ARID1B: variants seen among roughly 807,000 people sequenced by gnomAD.
ARID1B encodes AT-rich interactive domain-containing protein 1B.
ARID1B carries 30 observed loss-of-function variants against 212.3 expected under a neutral mutation model. That is an observed-to-expected ratio of 0.14 (90% confidence interval 0.11 to 0.19). The LOEUF is 0.19. ARID1B is among the 10% of genes least tolerant of loss of function. The pLI is 1.00. For synonymous variants in ARID1B, 1,402 were observed against 1,301.7 expected, an observed-to-expected ratio of 1.08 and a Z score of -1.66; for missense variants, 2,891 against 3,204.0, an observed-to-expected ratio of 0.90 and a Z score of 2.36.
At chr6:157,132,098 G>A (rs1788590558) in intron 6 of ARID1B, among the ~76,000 whole-genome samples, 1 of 152,220 alleles carries the variant, frequency 6.6e-6, no homozygotes, top group Admixed American at 6.5e-5. Flanking sequence ...GCAAGACTGG[G>A]GTTAGCAAGG....
At chr6:156,810,341 C>T (rs752184954) in intron 1 of ARID1B, among the ~76,000 whole-genome samples, 8 of 152,132 alleles carry the variant, frequency 5.3e-5, no homozygotes, top group Non-Finnish European at 1.2e-4. Flanking sequence ...TAACAGCTGC[C>T]ATTTACCAAA....
chr6:157,145,859 T>A (rs78385642), intron 7 of ARID1B, among the ~76,000 whole-genome samples: 213 of 152,292 alleles, frequency 1.4e-3, no homozygotes, highest in Non-Finnish European at 2.7e-3. Flanking sequence ...TATAATAATG[T>A]GTACCTCCTA....
intron 6 of ARID1B, among the ~76,000 whole-genome samples, chr6:157,125,345 G>A (rs989139524): frequency 2.0e-5 from 3 of 152,212 alleles, no homozygotes; most frequent in African/African-American, 4.8e-5. Flanking sequence ...TTCTTGTGGT[G>A]TGGGTGGTCA....
At chr6:157,021,470 C>T (rs1780253951) in intron 4 of ARID1B, among the ~76,000 whole-genome samples, 1 of 152,222 alleles carries the variant, frequency 6.6e-6, no homozygotes, top group African/African-American at 2.4e-5. Context: ...TGCCGGCAGG[C>T]CCCGCTCGCT....
chr6:156,850,828 T>G (rs1211076877), intron 2 of ARID1B, among the ~76,000 whole-genome samples: 1 of 152,210 alleles, frequency 6.6e-6, no homozygotes, highest in Non-Finnish European at 1.5e-5. Flanking sequence ...GGAAAATGGC[T>G]TAAATATTTT....
intron 3 of ARID1B, among the ~76,000 whole-genome samples, chr6:156,916,243 C>A (rs1280175662): frequency 6.6e-6 from 1 of 152,132 alleles, no homozygotes; most frequent in East Asian, 1.9e-4. Flanking sequence ...TCCACAACTT[C>A]TTGTTGTTTA....
rs1387431464 is a variant in ARID1B, at chr6:156,779,008, G to C, written c.1328G>C (p.Gly443Ala). The part of the protein sequence containing the change: ...AGGGGGGGYG[G>A]SSAGYGVLSS... ...GGCGGCGGCGGCGGCGGCTATGGGG[G>C]CTCGTCCGCGGGGTACGGGGTGCTG... The change falls in exon 1 of 20, where the codon GGC becomes GCC. Residue 443 changes from glycine to alanine, a missense_variant. This residue lies in a region of ARID1B where 1,643 missense variants were observed against 1,544.0 expected (regional missense o/e 1.06). Coordinates refer to ENST00000636930, the MANE Select transcript of ARID1B (RefSeq NM_001374828.1). The C allele has an allele frequency of 5.5e-6, 7 of 1,265,360 alleles. No individual in the cohort carries two copies. The highest frequency in any genetic ancestry group is 4.9e-6 in the Non-Finnish European group (5 of 1,016,404). 78.4% of individuals were successfully genotyped at this position (1,265,360 alleles called of 1,614,324 possible).
At chr6:157,154,581 T>TTG (rs1554226949) in intron 8 of ARID1B, among the ~76,000 whole-genome samples, 1 of 115,956 alleles carries the variant, frequency 8.6e-6, no homozygotes, top group African/African-American at 3.6e-5. Context: ...TTTTTTTTTG[T>TTG]TTTTTTTTTT....
At chr6:156,912,603 GCC>G (rs1050303058) in intron 3 of ARID1B, among the ~76,000 whole-genome samples, 1 of 152,104 alleles carries the variant, frequency 6.6e-6, no homozygotes, top group Non-Finnish European at 1.5e-5. Context: ...CTTAAGCCCT[GCC>G]CCTCACTCTG....
At chr6:156,897,911 A>G (rs780474055) in intron 2 of ARID1B, among the ~76,000 whole-genome samples, 1 of 152,148 alleles carries the variant, frequency 6.6e-6, no homozygotes, top group African/African-American at 2.4e-5. Context: ...TAATCATTCA[A>G]CAGTACTTAT....
chr6:156,893,639 A>G (rs1460257040), intron 2 of ARID1B, among the ~76,000 whole-genome samples: 1 of 152,224 alleles, frequency 6.6e-6, no homozygotes. Context: ...CATTTTTCCA[A>G]AGAAGATATA....
chr6:156,959,994 G>A (rs1434314161), intron 4 of ARID1B, among the ~76,000 whole-genome samples: 10 of 148,862 alleles, frequency 6.7e-5, no homozygotes, highest in Admixed American at 2.0e-4. Context: ...GCAATGGCGC[G>A]ATCTTGGCTC....
intron 4 of ARID1B, chr6:156,943,802 A>G (rs1296466222): frequency 6.6e-6 from 1 of 152,210 alleles, no homozygotes; most frequent in Non-Finnish European, 1.5e-5. Context: ...CTACAATTTT[A>G]TTTACCATCG....
intron 7 of ARID1B, among the ~76,000 whole-genome samples, chr6:157,134,900 C>A (rs1183066709): frequency 6.6e-6 from 1 of 152,068 alleles, no homozygotes; most frequent in Non-Finnish European, 1.5e-5. Flanking sequence ...ACTCTTAAGT[C>A]CATAAGCCCT....
At chr6:156,881,876 G>A (rs79863178) in intron 2 of ARID1B, among the ~76,000 whole-genome samples, 1,847 of 152,286 alleles carry the variant, frequency 0.012, 37 homozygotes, top group African/African-American at 0.042. Context: ...AGCATTGGGG[G>A]AAGCCCTAAT....
intron 4 of ARID1B, among the ~76,000 whole-genome samples, chr6:157,039,322 C>CTTTTCTTTTTTTTTTTT (rs1781548213): frequency 9.7e-6 from 1 of 102,976 alleles, no homozygotes. Flanking sequence ...TTTGACATTT[C>CTTTTCTTTTTTTTTTTT]TTTTTTTTTT....
chr6:157,168,029 TCCCGTGATGC>T (rs1259649336), intron 9 of ARID1B: 1 of 152,244 alleles, frequency 6.6e-6, no homozygotes, highest in Non-Finnish European at 1.5e-5. Flanking sequence ...CCAGTGTGTA[TCCCGTGATGC>T]CCCGTGATGC....
chr6:156,804,601 G>A (rs1392372625), intron 1 of ARID1B, among the ~76,000 whole-genome samples: 2 of 151,932 alleles, frequency 1.3e-5, no homozygotes, highest in Non-Finnish European at 2.9e-5. Context: ...CCAGCGAAGG[G>A]GGAAGCCCCT....
At chr6:156,779,697 C>T (rs1779071906) in intron 1 of ARID1B, 3 of 202,072 alleles carry the variant, frequency 1.5e-5, no homozygotes, top group South Asian at 3.6e-4. Context: ...CGGGCCGGGC[C>T]GGGTGGCTTC....
Sources: gnomAD v4.1 joint callset for allele counts (sites outside exome capture counted in the v4.1 genomes callset) on GRCh38, gnomAD v4.1.1 for gene constraint, gnomAD v4.1.1 regional missense constraint, MANE v1.5 for transcripts, NCBI Gene and HGNC (gene_info 2026-07-23, HGNC 2026-07-21) for gene names.